Variants in CTNND2 observed in about 807,000 individuals in gnomAD.
The protein encoded by CTNND2 is catenin delta-2.
CTNND2 carries 22 observed loss-of-function variants against 144.4 expected under a neutral mutation model. That is an observed-to-expected ratio of 0.15 (90% confidence interval 0.11 to 0.22). The LOEUF is 0.22. Among genes scored for constraint, CTNND2 ranks in the 10% least tolerant of loss-of-function variants. CTNND2 has a pLI of 1.00. For missense variants in CTNND2, 1,353 were observed against 1,618.8 expected (o/e 0.84, Z 2.82); for synonymous variants, 751 against 695.6 (o/e 1.08, Z -1.25).
At chr5:11,368,938 C>T (rs1164464247) in intron 7 of CTNND2, among the ~76,000 whole-genome samples, 2 of 152,166 alleles carry the variant, frequency 1.3e-5, no homozygotes, top group Non-Finnish European at 2.9e-5. Context: ...AAATAGGTGT[C>T]CTCATGCCAA....
At chr5:11,078,361 T>A (rs1398449466) in intron 16 of CTNND2, among the ~76,000 whole-genome samples, 1 of 152,224 alleles carries the variant, frequency 6.6e-6, no homozygotes, top group East Asian at 1.9e-4. Flanking sequence ...CAAATTCTGC[T>A]ATTCTCAGTC....
intron 2 of CTNND2, among the ~76,000 whole-genome samples, chr5:11,724,146 A>C (rs892015428): frequency 1.3e-5 from 2 of 151,814 alleles, no homozygotes; most frequent in Non-Finnish European, 2.9e-5. Context: ...CATTTATATT[A>C]GATCAGTTGA....
chr5:11,120,564 G>GCAAC (rs1195196864), intron 12 of CTNND2, among the ~76,000 whole-genome samples: 70 of 104,574 alleles, frequency 6.7e-4, no homozygotes, highest in East Asian at 2.6e-3. Flanking sequence ...CCGCAGGGGT[G>GCAAC]ATGAGGCTCA....
intron 10 of CTNND2, among the ~76,000 whole-genome samples, chr5:11,202,205 T>C (rs976431381): frequency 2.0e-5 from 3 of 152,202 alleles, no homozygotes; most frequent in African/African-American, 7.2e-5. Context: ...ATATTGGATG[T>C]TATAATTAAT....
intron 10 of CTNND2, among the ~76,000 whole-genome samples, chr5:11,218,738 G>T (rs398041): frequency 0.1 from 15,429 of 152,136 alleles, 1,071 homozygotes; most frequent in East Asian, 0.27. Flanking sequence ...GACTGCTTTG[G>T]TCCAATAAGC....
rs539125373 is a variant in CTNND2 at position 11,145,862 on chromosome 5, G to A, written c.2159+13714C>T. On this transcript the variant is annotated intron_variant, in intron 12 of 21. Transcript: ENST00000304623. ...CCCTCTCTGTCCCTCCCTACCAACC[G>A]CGCCCTGGCTGGCCACACTGAGCCA... Among the ~76,000 whole-genome samples, 60 of 151,940 alleles carry A rather than the reference G, an allele frequency of 3.9e-4. 1 individual carries two copies. The South Asian group carries it at 0.012, about 30-fold the overall frequency.
intron 1 of CTNND2, among the ~76,000 whole-genome samples, chr5:11,880,848 CACCACTACTACT>C (rs1736034863): frequency 8.0e-6 from 1 of 125,076 alleles, no homozygotes; most frequent in South Asian, 3.0e-4. Flanking sequence ...CTACTACTAC[CACCACTACTACT>C]ACCACTACTA....
intron 2 of CTNND2, among the ~76,000 whole-genome samples, chr5:11,607,806 C>T (rs575978324): frequency 6.6e-6 from 1 of 152,250 alleles, no homozygotes; most frequent in Non-Finnish European, 1.5e-5. Flanking sequence ...CGGCAGGTAT[C>T]AAACCACATC....
At chr5:11,220,499 C>T (rs773245526) in intron 10 of CTNND2, among the ~76,000 whole-genome samples, 14 of 152,154 alleles carry the variant, frequency 9.2e-5, no homozygotes, top group East Asian at 1.9e-4. Context: ...AACAATGGCA[C>T]TGTCATTGTC....
At chr5:11,671,796 T>C (rs1449935610) in intron 2 of CTNND2, among the ~76,000 whole-genome samples, 1 of 152,116 alleles carries the variant, frequency 6.6e-6, no homozygotes, top group African/African-American at 2.4e-5. Flanking sequence ...ATCAAACTCA[T>C]TCTCCATCCA....
chr5:11,233,124 G>A (rs1741224295), intron 10 of CTNND2, among the ~76,000 whole-genome samples: 1 of 152,080 alleles, frequency 6.6e-6, no homozygotes, highest in African/African-American at 2.4e-5. Flanking sequence ...GCTCAGTCTT[G>A]GGTATTTCTT....
At chr5:11,107,062 C>T (rs58232787) in intron 14 of CTNND2, among the ~76,000 whole-genome samples, 1 of 152,300 alleles carries the variant, frequency 6.6e-6, no homozygotes, top group African/African-American at 2.4e-5. Flanking sequence ...AATACACTTA[C>T]TAACTATAAG....
intron 6 of CTNND2, among the ~76,000 whole-genome samples, chr5:11,387,788 T>C (rs1759239121): frequency 6.6e-6 from 1 of 152,232 alleles, no homozygotes; most frequent in South Asian, 2.1e-4. Flanking sequence ...CCAAATAGCA[T>C]AATTTTTAAT....
chr5:11,047,337 C>T (rs550087263), intron 16 of CTNND2, among the ~76,000 whole-genome samples: 1 of 152,316 alleles, frequency 6.6e-6, no homozygotes, highest in African/African-American at 2.4e-5. Flanking sequence ...ATACAGTTCC[C>T]CACCAACAGC....
chr5:11,841,838 T>G (rs1165241429), intron 1 of CTNND2, among the ~76,000 whole-genome samples: 2 of 151,354 alleles, frequency 1.3e-5, no homozygotes, highest in African/African-American at 2.4e-5. Context: ...AAAGAAGAGT[T>G]TTCTCTAATA....
chr5:11,258,875 C>T (rs1386393934), intron 9 of CTNND2, among the ~76,000 whole-genome samples: 1 of 152,204 alleles, frequency 6.6e-6, no homozygotes, highest in East Asian at 1.9e-4. Flanking sequence ...TTTCCCTCTG[C>T]ACAGAAAAGA....
intron 17 of CTNND2, 111 bp from the exon 18 acceptor site, chr5:11,018,169 G>T: frequency 1.4e-6 from 1 of 721,990 alleles, no homozygotes; most frequent in Non-Finnish European, 2.4e-6. Context: ...CTATTATGGT[G>T]ATCTATGATC....
chr5:11,081,915 GTACAACATTA>G (rs1749619024), intron 16 of CTNND2, among the ~76,000 whole-genome samples: 1 of 152,184 alleles, frequency 6.6e-6, no homozygotes. Context: ...GGTGGTGATT[GTACAACATTA>G]TGAATATACT....
chr5:11,088,765 A>AT (rs369379627), intron 15 of CTNND2, among the ~76,000 whole-genome samples: 1 of 151,802 alleles, frequency 6.6e-6, no homozygotes, highest in African/African-American at 2.4e-5. Flanking sequence ...GTGCAATTAT[A>AT]TTTTACTAAG....
Sources: gnomAD v4.1 joint callset for allele counts (sites outside exome capture counted in the v4.1 genomes callset) on GRCh38, gnomAD v4.1.1 for gene constraint, MANE v1.5 for transcripts, NCBI Gene and HGNC (gene_info 2026-07-23, HGNC 2026-07-21) for gene names.